Variants in SPAG16 observed in about 807,000 individuals in gnomAD.
SPAG16 encodes sperm-associated antigen 16 protein.
In SPAG16, 86 loss-of-function variants were observed where a neutral mutation model predicts 80.4. That is an observed-to-expected ratio of 1.07 (90% CI 0.90 to 1.28). The LOEUF (loss-of-function observed/expected upper bound fraction) is 1.28, where lower values mean the gene tolerates loss of function less well. SPAG16 is among the 50% of genes most tolerant of loss of function. The pLI, the probability that SPAG16 is intolerant of heterozygous loss-of-function variation, is 0.00. For missense variants in SPAG16, 870 were observed against 765.3 expected (o/e 1.14, Z -1.61); for synonymous variants, 294 against 265.9 (o/e 1.11, Z -1.03).
intron 9 of SPAG16, among the ~76,000 whole-genome samples, chr2:213,473,947 C>T (rs779165582): frequency 1.3e-5 from 2 of 152,124 alleles, no homozygotes; most frequent in African/African-American, 2.4e-5. Context: ...TGAGAAGAAT[C>T]AACATTATCT....
chr2:213,439,811 A>G (rs2070833668), intron 9 of SPAG16, among the ~76,000 whole-genome samples: 1 of 152,246 alleles, frequency 6.6e-6, no homozygotes, highest in South Asian at 2.1e-4. Context: ...GTTACTGGAT[A>G]CTAAATAAAT....
intron 9 of SPAG16, among the ~76,000 whole-genome samples, chr2:213,392,854 A>G (rs913988123): frequency 6.6e-6 from 1 of 152,112 alleles, no homozygotes; most frequent in East Asian, 1.9e-4. Flanking sequence ...TCTTAAAAAA[A>G]AAAAAACAGT....
At chr2:213,508,443 G>T (rs1457755520) in intron 10 of SPAG16, among the ~76,000 whole-genome samples, 1 of 152,140 alleles carries the variant, frequency 6.6e-6, no homozygotes, top group African/African-American at 2.4e-5. Context: ...GCGGTGGCGG[G>T]CGCCTGTAGT....
chr2:214,059,784 C>A (rs1260689687), intron 13 of SPAG16, among the ~76,000 whole-genome samples: 1 of 151,912 alleles, frequency 6.6e-6, no homozygotes, highest in Non-Finnish European at 1.5e-5. Context: ...TATGTGCCCC[C>A]AGCCTTCACA....
intron 11 of SPAG16, among the ~76,000 whole-genome samples, chr2:213,877,967 C>T (rs1055822329): frequency 2.0e-4 from 31 of 152,110 alleles, no homozygotes; most frequent in African/African-American, 6.8e-4. Context: ...ATTCATGACC[C>T]TCCATAGATT....
At chr2:213,668,792 G>A (rs896531951) in intron 10 of SPAG16, among the ~76,000 whole-genome samples, 1 of 151,978 alleles carries the variant, frequency 6.6e-6, no homozygotes, top group South Asian at 2.1e-4. Context: ...GGGATTACAG[G>A]TGTGTGCCAC....
At chr2:214,399,333 A>T (rs536953149) in intron 15 of SPAG16, among the ~76,000 whole-genome samples, 1 of 151,996 alleles carries the variant, frequency 6.6e-6, no homozygotes, top group Admixed American at 6.6e-5. Context: ...TTTTTTTACT[A>T]TAACTATTAA....
At chr2:213,415,142 C>G (rs1045998623) in intron 9 of SPAG16, among the ~76,000 whole-genome samples, 6 of 152,152 alleles carry the variant, frequency 3.9e-5, no homozygotes, top group Admixed American at 2.6e-4. Context: ...TATCAGGCAG[C>G]CAAGCTAAAG....
At chr2:214,305,120 T>C (rs1025115998) in intron 15 of SPAG16, among the ~76,000 whole-genome samples, 2 of 152,246 alleles carry the variant, frequency 1.3e-5, no homozygotes, top group African/African-American at 4.8e-5. Flanking sequence ...ATTTATCTAA[T>C]GATCAGTGAT....
At chr2:213,761,683 A>C (rs2125522707) in intron 10 of SPAG16, among the ~76,000 whole-genome samples, 1 of 152,068 alleles carries the variant, frequency 6.6e-6, no homozygotes. Flanking sequence ...ACATGGTGAA[A>C]CCCCATCTGT....
intron 10 of SPAG16, among the ~76,000 whole-genome samples, chr2:213,649,880 C>T (rs763865667): frequency 1.3e-5 from 2 of 152,108 alleles, no homozygotes; most frequent in Admixed American, 6.5e-5. Context: ...CATTGCAGAG[C>T]TAGTTATCCA....
chr2:213,617,647 A>G (rs150939646), intron 10 of SPAG16, among the ~76,000 whole-genome samples: 15 of 152,070 alleles, frequency 9.9e-5, no homozygotes, highest in African/African-American at 3.1e-4. Flanking sequence ...GGCCCAAAAT[A>G]ATTTTTTTTT....
At chr2:214,186,895 G>C (rs1426071765) in intron 15 of SPAG16, among the ~76,000 whole-genome samples, 1 of 152,122 alleles carries the variant, frequency 6.6e-6, no homozygotes, top group Non-Finnish European at 1.5e-5. Context: ...AAGTAGCTGG[G>C]ACTACAGGCC....
At chr2:213,789,415 A>G (rs1388720770) in intron 10 of SPAG16, among the ~76,000 whole-genome samples, 4 of 152,008 alleles carry the variant, frequency 2.6e-5, no homozygotes, top group Non-Finnish European at 5.9e-5. Context: ...TCATTTAAAA[A>G]GTAATATTGC....
At chr2:214,064,039 T>G (rs1004371354) in intron 13 of SPAG16, among the ~76,000 whole-genome samples, 2 of 152,152 alleles carry the variant, frequency 1.3e-5, no homozygotes, top group South Asian at 4.1e-4. Context: ...CCTAGAGTCA[T>G]GTACTGATTT....
At chr2:214,283,191 G>C (rs1693091179) in intron 15 of SPAG16, among the ~76,000 whole-genome samples, 1 of 152,070 alleles carries the variant, frequency 6.6e-6, no homozygotes, top group African/African-American at 2.4e-5. Context: ...TTTACTGCCT[G>C]AGTAATTTGT....
intron 15 of SPAG16, among the ~76,000 whole-genome samples, chr2:214,177,888 A>AAT (rs1553519885): frequency 6.2e-4 from 62 of 99,814 alleles, no homozygotes; most frequent in Non-Finnish European, 1.0e-3. Flanking sequence ...AAAAAAGCAG[A>AAT]ATATATATAT....
intron 15 of SPAG16, among the ~76,000 whole-genome samples, chr2:214,398,235 T>C (rs1421588948): frequency 6.6e-6 from 1 of 152,232 alleles, no homozygotes; most frequent in Non-Finnish European, 1.5e-5. Context: ...CCAGCCATTA[T>C]TGGAGTCAGT....
intron 15 of SPAG16, among the ~76,000 whole-genome samples, chr2:214,402,024 C>T (rs1362984021): frequency 1.3e-5 from 2 of 151,964 alleles, no homozygotes; most frequent in East Asian, 3.9e-4. Flanking sequence ...CCTTAACTAA[C>T]AGTACCTGAT....
Sources: gnomAD v4.1 joint callset for allele counts (sites outside exome capture counted in the v4.1 genomes callset) on GRCh38, gnomAD v4.1.1 for gene constraint, MANE v1.5 for transcripts, NCBI Gene and HGNC (gene_info 2026-07-23, HGNC 2026-07-21) for gene names.